The following NPLOC4 variants were observed in gnomAD, a reference collection of about 807,000 sequenced individuals.
NPLOC4 encodes the protein NPL4 homolog, ubiquitin recognition factor.
In NPLOC4, 18 loss-of-function variants were observed where a neutral mutation model predicts 80.6. The ratio of observed to expected loss-of-function variants is 0.22; its 90% CI spans 0.15 to 0.33. The LOEUF is 0.33. NPLOC4 is among the 10% of genes least tolerant of loss of function. The pLI is 1.00. For missense variants in NPLOC4, 540 were observed against 786.1 expected (o/e 0.69, Z 3.74); for synonymous variants, 313 against 301.5 (o/e 1.04, Z -0.39).
At chr17:81,585,170 CAAA>C (rs35473939) in intron 12 of NPLOC4, among the ~76,000 whole-genome samples, 2 of 40,868 alleles carry the variant, frequency 4.9e-5, no homozygotes, top group African/African-American at 1.3e-4. Flanking sequence ...ACTCTGTCGC[CAAA>C]AAAAAAAAAA....
chr17:81,610,039 G>A (rs563366425), intron 5 of NPLOC4, among the ~76,000 whole-genome samples, 171 bp downstream of exon 5: 15 of 152,300 alleles, frequency 9.8e-5, no homozygotes, highest in Non-Finnish European at 1.3e-4. Context: ...ATAAAGGCTC[G>A]TCCTGTGTGC....
At chr17:81,589,249 G>A (rs1329021435) in intron 11 of NPLOC4, 145 bp from the exon 12 acceptor site, 3 of 668,886 alleles carry the variant, frequency 4.5e-6, no homozygotes, top group South Asian at 4.1e-5. Flanking sequence ...TTCAGTAGTC[G>A]GCCGGGTGCG....
At chr17:81,585,820 C>G (rs577645129) in intron 12 of NPLOC4, among the ~76,000 whole-genome samples, 5 of 151,900 alleles carry the variant, frequency 3.3e-5, no homozygotes, top group African/African-American at 1.2e-4. Context: ...AATCCTGATT[C>G]TACTAAAAAT....
intron 16 of NPLOC4, among the ~76,000 whole-genome samples, chr17:81,561,048 C>A (rs1010490646): frequency 6.6e-6 from 1 of 152,142 alleles, no homozygotes; most frequent in Non-Finnish European, 1.5e-5. Flanking sequence ...ACCTCTGCCT[C>A]CTGGGTTCAA....
chr17:81,564,112 AC>A, intron 16 of NPLOC4: 1 of 333,376 alleles, frequency 3.0e-6, no homozygotes, highest in Non-Finnish European at 5.9e-6. Flanking sequence ...ACACACACAC[AC>A]ACACAAAGAG....
chr17:81,563,588 GAAAA>G lies in NPLOC4; in HGVS notation c.1669+1913_1669+1916del, dbSNP rs751552683. On this transcript the variant is annotated intron_variant, in intron 16 of 16. Coordinates refer to ENST00000331134, the MANE Select transcript of NPLOC4 (RefSeq NM_017921.4). Reference sequence around the variant, plus strand: ...CTGTCTCTAAAAGGGAAACAAAAAAGAAAAAAAAAAAAAAGACTGGTGTCATTGT... The same window carrying G: ...CTGTCTCTAAAAGGGAAACAAAAAAGAAAAAAAAAAGACTGGTGTCATTGT... The G allele has an allele frequency of 3.8e-4, 55 of 145,708 alleles. No individual in the cohort carries two copies. The East Asian group carries it at 0.011, about 29-fold the overall frequency. 9.0% of individuals were successfully genotyped at this position (145,708 alleles called of 1,614,324 possible). A position where few individuals can be genotyped will look rare whatever the true frequency, so the allele number is the denominator to read the frequency against.
intron 3 of NPLOC4, among the ~76,000 whole-genome samples, chr17:81,620,973 C>T (rs369678889): frequency 4.0e-5 from 6 of 150,780 alleles, no homozygotes; most frequent in Admixed American, 2.6e-4. Flanking sequence ...CAGTGAGCTA[C>T]GATCGCACCA....
intron 2 of NPLOC4, among the ~76,000 whole-genome samples, chr17:81,624,117 T>C (rs1436509986): frequency 1.3e-5 from 2 of 151,820 alleles, no homozygotes; most frequent in African/African-American, 4.8e-5. Context: ...AAACCCCATC[T>C]CTCCTAAAAA....
chr17:81,622,018 A>C (rs2035682332), intron 3 of NPLOC4, 148 bp downstream of exon 3: 2 of 625,402 alleles, frequency 3.2e-6, no homozygotes, highest in Non-Finnish European at 5.7e-6. Flanking sequence ...AATTCCTGGC[A>C]AGCAACACGG....
chr17:81,620,752 C>T (rs893599885), intron 3 of NPLOC4, among the ~76,000 whole-genome samples: 2 of 152,098 alleles, frequency 1.3e-5, no homozygotes, highest in African/African-American at 4.8e-5. Context: ...CAAGCGTGGT[C>T]GTGAGCTGAG....
intron 12 of NPLOC4, among the ~76,000 whole-genome samples, chr17:81,586,744 A>G (rs969514947): frequency 6.6e-6 from 1 of 152,256 alleles, no homozygotes; most frequent in Non-Finnish European, 1.5e-5. Flanking sequence ...CCAATGAGAC[A>G]AAGATTTAAG....
chr17:81,622,469 T>C (rs1477943704), intron 2 of NPLOC4, among the ~76,000 whole-genome samples, 191 bp from the exon 3 acceptor site: 1 of 152,220 alleles, frequency 6.6e-6, no homozygotes. Flanking sequence ...TTAAAATGAA[T>C]AAAGTGGCCA....
intron 16 of NPLOC4, among the ~76,000 whole-genome samples, chr17:81,560,041 T>C (rs2033800838): frequency 6.6e-6 from 1 of 151,508 alleles, no homozygotes; most frequent in Non-Finnish European, 1.5e-5. Flanking sequence ...AGCCTCCAGT[T>C]TTGAGCTAAT....
chr17:81,627,995 G>A (rs1012018490), intron 2 of NPLOC4, among the ~76,000 whole-genome samples: 5 of 151,918 alleles, frequency 3.3e-5, no homozygotes, highest in East Asian at 1.9e-4. Flanking sequence ...GGCAGATCAC[G>A]AGGTCAGGAG....
rs2035487174 is a variant in NPLOC4 at position 81,616,337 on chromosome 17, A to AAAAAGAAAC, written c.210-2844_210-2843insGTTTCTTTT. ...CTCTGTCTCAAAAAAAAAAAAAAAA[A>AAAAAGAAAC]AGAAAAGCAAAGCTGCTAAATCTGG... On this transcript the variant is annotated intron_variant, in intron 3 of 16. Coordinates refer to ENST00000331134, the MANE Select transcript of NPLOC4 (RefSeq NM_017921.4). Among the ~76,000 whole-genome samples the AAAAAGAAAC allele has an allele frequency of 2.0e-5, 3 of 148,126 alleles. No individual in the cohort carries two copies. The East Asian group carries it at 6.0e-4, about 30-fold the overall frequency.
chr17:81,565,539 C>T lies in NPLOC4; in HGVS notation c.1635G>A (p.Arg545=). The T allele has an allele frequency of 1.3e-6, 2 of 1,554,942 alleles. No homozygotes were observed. The highest frequency in any genetic ancestry group is 1.4e-5 in the African/African-American group (1 of 73,488). The change falls in exon 16 of 17, where the codon AGG becomes AGA. Residue 545 remains arginine (R), a synonymous_variant. Transcript: ENST00000331134. ...RNEELAQTWK[R]SEQWATIEQL... ...GCTCGATGGTGGCCCACTGCTCAGA[C>T]CTCTTCCATGTCTGGGCGAGCTCCT...
At chr17:81,624,617 A>G (rs1054224008) in intron 2 of NPLOC4, among the ~76,000 whole-genome samples, 4 of 152,162 alleles carry the variant, frequency 2.6e-5, no homozygotes, top group Non-Finnish European at 5.9e-5. Flanking sequence ...AAAACAAAAA[A>G]AAGACAAGGT....
chr17:81,586,784 C>T (rs2034591764), intron 12 of NPLOC4, among the ~76,000 whole-genome samples: 1 of 152,188 alleles, frequency 6.6e-6, no homozygotes, highest in Non-Finnish European at 1.5e-5. Flanking sequence ...AGAGCTCTAC[C>T]AGGCTCTCAG....
At chr17:81,568,983 C>T (rs1367155625) in intron 14 of NPLOC4, 33 bp downstream of exon 14, 6 of 1,342,422 alleles carry the variant, frequency 4.5e-6, no homozygotes, top group Admixed American at 3.5e-5. Flanking sequence ...CAGCAGTTAC[C>T]TTAAATTATG....
Sources: gnomAD v4.1 joint callset for allele counts (sites outside exome capture counted in the v4.1 genomes callset) on GRCh38, gnomAD v4.1.1 for gene constraint, MANE v1.5 for transcripts, NCBI Gene and HGNC (gene_info 2026-07-23, HGNC 2026-07-21) for gene names.